The following TLN2 variants were observed in gnomAD, a reference collection of about 807,000 sequenced individuals.
TLN2 encodes the protein talin-2.
Under a neutral mutation model 294.7 loss-of-function variants are expected in TLN2, and 118 were observed. The ratio of observed to expected loss-of-function variants is 0.40; its 90% CI spans 0.34 to 0.47. The LOEUF (loss-of-function observed/expected upper bound fraction) is 0.47. TLN2 is among the 20% of genes least tolerant of loss of function. TLN2 has a pLI of 0.84. For missense variants in TLN2, 3,083 were observed against 3,282.2 expected (o/e 0.94, Z 1.48); for synonymous variants, 1,431 against 1,304.5 (o/e 1.10, Z -2.09).
At chr15:62,714,486 G>A (rs2059645642) in intron 22 of TLN2, among the ~76,000 whole-genome samples, 1 of 152,106 alleles carries the variant, frequency 6.6e-6, no homozygotes, top group Admixed American at 6.5e-5. Flanking sequence ...ACAGGTGTGA[G>A]CCACCGCGCC....
At chr15:62,430,954 A>G (rs1391107436) in intron 1 of TLN2, among the ~76,000 whole-genome samples, 1 of 150,998 alleles carries the variant, frequency 6.6e-6, no homozygotes, top group Non-Finnish European at 1.5e-5. Flanking sequence ...AAATACACAA[A>G]AACACCCAGC....
At chr15:62,405,399 T>C (rs547568128) in intron 1 of TLN2, among the ~76,000 whole-genome samples, 1 of 152,312 alleles carries the variant, frequency 6.6e-6, no homozygotes, top group South Asian at 2.1e-4. Context: ...ACCCAACTCC[T>C]TTCTGAGACA....
chr15:62,488,994 C>G (rs1376228298), intron 1 of TLN2, among the ~76,000 whole-genome samples: 2 of 152,136 alleles, frequency 1.3e-5, no homozygotes, highest in Non-Finnish European at 2.9e-5. Context: ...AACCCCGTCT[C>G]TACTAAAAAT....
At chr15:62,530,606 T>G (rs2040992422) in intron 1 of TLN2, among the ~76,000 whole-genome samples, 1 of 151,974 alleles carries the variant, frequency 6.6e-6, no homozygotes, top group Admixed American at 6.6e-5. Context: ...CTGCCTGCCT[T>G]GGCCTCCCAA....
At chr15:62,630,010 T>C (rs1037623496) in intron 3 of TLN2, among the ~76,000 whole-genome samples, 4 of 152,226 alleles carry the variant, frequency 2.6e-5, no homozygotes, top group Admixed American at 6.5e-5. Context: ...CAGGAAATTA[T>C]CTTTTTTTGT....
At chr15:62,754,842 A>G (rs577697413) in intron 36 of TLN2, 11 of 152,358 alleles carry the variant, frequency 7.2e-5, no homozygotes, top group African/African-American at 2.6e-4. Flanking sequence ...TTCCTGAGCC[A>G]GACACCTCAG....
At chr15:62,768,249 A>G (rs1595925632) in intron 41 of TLN2, among the ~76,000 whole-genome samples, 2 of 152,306 alleles carry the variant, frequency 1.3e-5, no homozygotes, top group Non-Finnish European at 2.9e-5. Flanking sequence ...CCAAGGTCTA[A>G]AATCAGGTGG....
At position 62,843,086 on chromosome 15, in the gene TLN2, T is replaced by G. The variant is rs2070865226; in HGVS notation, c.*2476T>G. The G allele has an allele frequency of 1.3e-5, 2 of 152,230 alleles. No individual in the cohort carries two copies. Among genetic ancestry groups the G allele is most frequent in the South Asian group, 4.2e-4 (2 of 4,798 alleles). 9.4% of individuals were successfully genotyped at this position (152,230 alleles called of 1,614,324 possible). A position where few individuals can be genotyped will look rare whatever the true frequency, so the allele number is the denominator to read the frequency against. On this transcript the variant is annotated 3_prime_UTR_variant, in exon 59 of 59. Coordinates refer to ENST00000636159, the MANE Select transcript of TLN2 (RefSeq NM_015059.3). The stretch of plus-strand genomic sequence containing the variant: ...ACAGGCATGAGTTCATTTGGGAGTG[T>G]GAACTTTCAGAACACCTAATAAGAG...
At position 62,663,326 on chromosome 15, in the gene TLN2, T is replaced by C. The variant is rs111654910; in HGVS notation, c.788+5428T>C. Among the ~76,000 whole-genome samples the C allele has an allele frequency of 2.0e-5, 3 of 152,324 alleles. 1 individual carries two copies. Among genetic ancestry groups the C allele is most frequent in the African/African-American group, 7.2e-5 (3 of 41,578 alleles). ...TGCCAGAAATTCATGAAAACCTTCTTAGTCTAAACAAGTATGATAATTAAT... is the reference window on the plus strand; with the variant it reads ...TGCCAGAAATTCATGAAAACCTTCTCAGTCTAAACAAGTATGATAATTAAT... On this transcript the variant is annotated intron_variant, in intron 9 of 58. Transcript: ENST00000636159.
chr15:62,702,953 C>G (rs1420827965), intron 19 of TLN2, 89 bp downstream of exon 19: 13 of 1,224,380 alleles, frequency 1.1e-5, no homozygotes, highest in Non-Finnish European at 1.4e-5. Context: ...TGAAAACTAA[C>G]TAAATCTTTG....
chr15:62,700,174 T>C (rs1247810715), intron 16 of TLN2, among the ~76,000 whole-genome samples: 1 of 152,186 alleles, frequency 6.6e-6, no homozygotes, highest in Admixed American at 6.5e-5. Context: ...TCCAGTATAA[T>C]TGGTAGAGTT....
At chr15:62,595,278 G>A (rs2046393314) in intron 2 of TLN2, among the ~76,000 whole-genome samples, 1 of 152,076 alleles carries the variant, frequency 6.6e-6, no homozygotes, top group South Asian at 2.1e-4. Flanking sequence ...AAATTAACCA[G>A]ACGTGGTGGT....
intron 1 of TLN2, among the ~76,000 whole-genome samples, chr15:62,415,186 G>A (rs1283033832): frequency 1.4e-5 from 2 of 141,586 alleles, no homozygotes; most frequent in Admixed American, 7.6e-5. Flanking sequence ...TGGATTACAG[G>A]CGTGAGCCAC....
Position 62,490,207 on chromosome 15 carries a change from G to A in TLN2, c.-237-99480G>A, listed in dbSNP as rs1018715100. Among the ~76,000 whole-genome samples, 29 of 152,094 alleles carry A rather than the reference G, an allele frequency of 1.9e-4. 1 individual carries two copies. The highest frequency in any genetic ancestry group is 1.9e-3 in the Admixed American group (29 of 15,270). ...TTTAAAGTGATAGCTAACATCATGCGATAGATATATTAACCACTTCCCTCC... is the reference window on the plus strand; with the variant it reads ...TTTAAAGTGATAGCTAACATCATGCAATAGATATATTAACCACTTCCCTCC... On this transcript the variant is annotated intron_variant, in intron 1 of 58. Coordinates refer to ENST00000636159, the MANE Select transcript of TLN2 (RefSeq NM_015059.3).
chr15:62,606,963 C>T (rs1024184681), intron 2 of TLN2, among the ~76,000 whole-genome samples: 1 of 152,080 alleles, frequency 6.6e-6, no homozygotes, highest in African/African-American at 2.4e-5. Context: ...CCACCTCCGC[C>T]GCTGCCACCA....
intron 28 of TLN2, among the ~76,000 whole-genome samples, chr15:62,729,896 G>C (rs2060626456): frequency 6.6e-6 from 1 of 151,638 alleles, no homozygotes; most frequent in South Asian, 2.1e-4. Context: ...TGATTAGTTA[G>C]TTGTACATTC....
chr15:62,710,879 C>T (rs1184893564), intron 21 of TLN2, among the ~76,000 whole-genome samples: 1 of 151,980 alleles, frequency 6.6e-6, no homozygotes, highest in Non-Finnish European at 1.5e-5. Context: ...GCGCCCACCA[C>T]CACGCCCGGC....
chr15:62,631,824 C>T (rs549341684), intron 3 of TLN2, among the ~76,000 whole-genome samples: 11 of 151,694 alleles, frequency 7.3e-5, no homozygotes, highest in South Asian at 4.2e-4. Flanking sequence ...AAACCATCCT[C>T]GTGCCTTGGC....
chr15:62,499,750 T>C (rs2039206362), intron 1 of TLN2, among the ~76,000 whole-genome samples: 2 of 151,984 alleles, frequency 1.3e-5, no homozygotes, highest in African/African-American at 2.4e-5. Flanking sequence ...ATTACAGGCA[T>C]GTTCCACCAT....
Sources: allele counts gnomAD v4.1 joint callset (sites outside exome capture counted in the v4.1 genomes callset), GRCh38; gene constraint gnomAD v4.1.1; transcripts MANE v1.5; gene names NCBI Gene and HGNC (gene_info 2026-07-23, HGNC 2026-07-21).